TRIO: variants seen among roughly 807,000 people sequenced by gnomAD.
The protein encoded by TRIO is trio Rho guanine nucleotide exchange factor, also known as triple functional domain protein.
Under a neutral mutation model 351.9 loss-of-function variants are expected in TRIO, and 58 were observed. That is an observed-to-expected ratio of 0.16 (90% CI 0.13 to 0.21). TRIO has a LOEUF of 0.21. TRIO is among the 10% of genes least tolerant of loss of function. The pLI, the probability that TRIO is intolerant of heterozygous loss-of-function variation, is 1.00. For synonymous variants in TRIO, 1,758 were observed against 1,595.7 expected, an observed-to-expected ratio of 1.10 and a Z score of -2.42; for missense variants, 3,201 against 4,027.8, an observed-to-expected ratio of 0.79 and a Z score of 5.56.
At chr5:14,367,425 G>A (rs571233443) in intron 16 of TRIO, among the ~76,000 whole-genome samples, 1 of 152,290 alleles carries the variant, frequency 6.6e-6, no homozygotes, top group African/African-American at 2.4e-5. Context: ...AAGACCAGGT[G>A]TATATCATGA....
At chr5:14,146,355 C>T (rs1003859945) in intron 1 of TRIO, among the ~76,000 whole-genome samples, 5 of 152,212 alleles carry the variant, frequency 3.3e-5, no homozygotes, top group African/African-American at 4.8e-5. Context: ...GAGCCTGGTA[C>T]TAAAAGTGCC....
chr5:14,338,905 C>T (rs1252801701), intron 11 of TRIO, among the ~76,000 whole-genome samples: 2 of 152,154 alleles, frequency 1.3e-5, no homozygotes, highest in Admixed American at 6.5e-5. Flanking sequence ...TATTCTATAG[C>T]AGCTTAGCAG....
chr5:14,443,964 C>G (rs968936974), intron 34 of TRIO, among the ~76,000 whole-genome samples: 1 of 152,186 alleles, frequency 6.6e-6, no homozygotes, highest in Non-Finnish European at 1.5e-5. Flanking sequence ...CAGTGCTATA[C>G]GTATTCCCCT....
chr5:14,454,706 A>G (rs1753125948), intron 34 of TRIO, among the ~76,000 whole-genome samples: 1 of 152,224 alleles, frequency 6.6e-6, no homozygotes, highest in South Asian at 2.1e-4. Flanking sequence ...CTGGAGTCTA[A>G]GGTCATGGTT....
chr5:14,484,995 A>G (rs368930285), intron 46 of TRIO, 74 bp from the exon 47 acceptor site: 5 of 1,405,770 alleles, frequency 3.6e-6, no homozygotes, highest in East Asian at 2.5e-5. Context: ...TTGTCCATTC[A>G]TCGGTCAGTG....
At chr5:14,303,490 G>A (rs1289809625) in intron 7 of TRIO, among the ~76,000 whole-genome samples, 2 of 150,986 alleles carry the variant, frequency 1.3e-5, no homozygotes, top group African/African-American at 4.9e-5. Flanking sequence ...TCCTGGAGAT[G>A]GAGGGTGGCA....
At chr5:14,306,890 T>C (rs1391771286) in intron 8 of TRIO, among the ~76,000 whole-genome samples, 2 of 152,216 alleles carry the variant, frequency 1.3e-5, no homozygotes, top group Admixed American at 6.5e-5. Flanking sequence ...TATAGTTTTA[T>C]TTGATTTACA....
chr5:14,382,663 C>G (rs1246016961), intron 21 of TRIO, among the ~76,000 whole-genome samples: 1 of 152,262 alleles, frequency 6.6e-6, no homozygotes, highest in African/African-American at 2.4e-5. Flanking sequence ...ACATACACAC[C>G]TGGCTGGACA....
At chr5:14,410,575 T>A (rs1749114571) in intron 33 of TRIO, among the ~76,000 whole-genome samples, 2 of 152,350 alleles carry the variant, frequency 1.3e-5, no homozygotes, top group South Asian at 4.1e-4. Context: ...GGGAAATCAC[T>A]TAACGACATT....
At chr5:14,377,803 T>A (rs1745696572) in intron 19 of TRIO, among the ~76,000 whole-genome samples, 1 of 152,228 alleles carries the variant, frequency 6.6e-6, no homozygotes, top group African/African-American at 2.4e-5. Context: ...TCCAGTGGTG[T>A]CTTTATCGTA....
chr5:14,221,995 A>G lies in TRIO; in HGVS notation c.158-48830A>G, dbSNP rs201952001. On this transcript the variant is annotated intron_variant, in intron 1 of 56. Coordinates refer to ENST00000344204, the MANE Select transcript of TRIO (RefSeq NM_007118.4). The stretch of plus-strand genomic sequence containing the variant: ...ATAGATGCAGCTGCATCACTGTCTT[A>G]TTTTAAGAAATTGCCGCAGCCACCC... Among the ~76,000 whole-genome samples, 13 of 152,250 alleles carry G rather than the reference A, an allele frequency of 8.5e-5. No homozygotes were observed. The East Asian group carries it at 2.5e-3, about 29-fold the overall frequency.
At chr5:14,265,021 T>C (rs1480444009) in intron 1 of TRIO, among the ~76,000 whole-genome samples, 1 of 152,196 alleles carries the variant, frequency 6.6e-6, no homozygotes, top group Non-Finnish European at 1.5e-5. Flanking sequence ...TTAAAAATAC[T>C]GGCTGATTTA....
chr5:14,262,789 T>C (rs1795429279), intron 1 of TRIO, among the ~76,000 whole-genome samples: 1 of 151,964 alleles, frequency 6.6e-6, no homozygotes, highest in Non-Finnish European at 1.5e-5. Flanking sequence ...TTCTGGGACC[T>C]ACACTGTGGG....
intron 36 of TRIO, among the ~76,000 whole-genome samples, chr5:14,465,305 C>G (rs1754166921): frequency 6.6e-6 from 1 of 152,166 alleles, no homozygotes; most frequent in Admixed American, 6.5e-5. Flanking sequence ...GACTGCGATT[C>G]AAATCAGACA....
chr5:14,504,868 C>A (rs972836872), intron 55 of TRIO, among the ~76,000 whole-genome samples: 1 of 151,858 alleles, frequency 6.6e-6, no homozygotes, highest in African/African-American at 2.4e-5. Flanking sequence ...GCACCCCCCC[C>A]ACCCCTTTTC....
intron 7 of TRIO, among the ~76,000 whole-genome samples, chr5:14,303,426 T>G (rs1433963162): frequency 1.5e-4 from 20 of 130,910 alleles, no homozygotes; most frequent in Middle Eastern, 5.6e-3. Flanking sequence ...ATGGAGGGTG[T>G]CAGTGGAGGA....
chr5:14,146,841 C>T (rs902016313), intron 1 of TRIO, among the ~76,000 whole-genome samples: 1 of 152,218 alleles, frequency 6.6e-6, no homozygotes, highest in Non-Finnish European at 1.5e-5. Context: ...TTCTCCTCTG[C>T]TGAGCGTCCA....
intron 1 of TRIO, among the ~76,000 whole-genome samples, chr5:14,191,163 A>G (rs1485221025): frequency 2.0e-5 from 3 of 152,190 alleles, no homozygotes; most frequent in Non-Finnish European, 4.4e-5. Flanking sequence ...CTAGTGGGTC[A>G]AGGCTGATAT....
intron 8 of TRIO, among the ~76,000 whole-genome samples, chr5:14,306,558 A>C (rs925274080): frequency 1.3e-5 from 2 of 152,250 alleles, no homozygotes; most frequent in Admixed American, 1.3e-4. Flanking sequence ...GCTTATATGA[A>C]TCTCTTGCTT....
Sources: gnomAD v4.1 joint callset for allele counts (sites outside exome capture counted in the v4.1 genomes callset) on GRCh38, gnomAD v4.1.1 for gene constraint, MANE v1.5 for transcripts, NCBI Gene and HGNC (gene_info 2026-07-23, HGNC 2026-07-21) for gene names.